Variants in CPQ observed in about 807,000 individuals in gnomAD.
The protein encoded by CPQ is carboxypeptidase Q.
CPQ carries 37 observed loss-of-function variants against 45.7 expected under a neutral mutation model. The ratio of observed to expected loss-of-function variants is 0.81; its 90% CI spans 0.62 to 1.07. The LOEUF (loss-of-function observed/expected upper bound fraction) is 1.07, where lower values mean the gene tolerates loss of function less well. Ranked by LOEUF, CPQ falls within the 50% of genes least tolerant of loss-of-function variation. The pLI is 0.00. For missense variants in CPQ, 537 were observed against 572.9 expected (o/e 0.94, Z 0.64); for synonymous variants, 186 against 205.8 (o/e 0.90, Z 0.82).
intron 4 of CPQ, among the ~76,000 whole-genome samples, chr8:96,965,573 G>C (rs1033048976): frequency 6.6e-6 from 1 of 151,952 alleles, no homozygotes; most frequent in Admixed American, 6.6e-5. Flanking sequence ...GTTTCACCGT[G>C]TTAACCAGGA....
At chr8:96,858,443 G>A (rs4734352) in intron 3 of CPQ, among the ~76,000 whole-genome samples, 58,118 of 151,978 alleles carry the variant, frequency 0.38, 11,771 homozygotes, top group Non-Finnish European at 0.46. Flanking sequence ...GCACAGCAGC[G>A]TCTGATATCC....
intron 5 of CPQ, among the ~76,000 whole-genome samples, chr8:96,967,193 AT>A (rs540806568): frequency 3.3e-3 from 507 of 152,270 alleles, no homozygotes; most frequent in African/African-American, 0.012. Context: ...AAAGTCGAAC[AT>A]TTTTCCTCTT....
intron 4 of CPQ, among the ~76,000 whole-genome samples, chr8:96,948,685 C>T (rs919707572): frequency 4.6e-5 from 7 of 152,110 alleles, no homozygotes; most frequent in Non-Finnish European, 1.0e-4. Context: ...TTCATGTCCT[C>T]TGTTTCCTTA....
At chr8:96,923,623 T>G (rs1209075339) in intron 4 of CPQ, among the ~76,000 whole-genome samples, 1 of 152,170 alleles carries the variant, frequency 6.6e-6, no homozygotes. Flanking sequence ...CCCAATTACA[T>G]GCATGTGAAG....
intron 5 of CPQ, among the ~76,000 whole-genome samples, chr8:97,017,607 G>C (rs1385945969): frequency 6.6e-6 from 1 of 152,056 alleles, no homozygotes; most frequent in Non-Finnish European, 1.5e-5. Context: ...GGGTTGCCTG[G>C]GAGCTGGATG....
intron 5 of CPQ, among the ~76,000 whole-genome samples, chr8:97,008,855 A>G (rs1333922756): frequency 1.3e-5 from 2 of 152,086 alleles, no homozygotes; most frequent in Non-Finnish European, 2.9e-5. Context: ...GACTCCATAA[A>G]TGCCAGCTTT....
intron 7 of CPQ, among the ~76,000 whole-genome samples, chr8:97,112,928 G>A (rs569351983): frequency 6.6e-6 from 1 of 152,378 alleles, no homozygotes; most frequent in East Asian, 1.9e-4. Flanking sequence ...TCTAGGGACA[G>A]AGGGAAGCCA....
Position 97,121,665 on chromosome 8 carries a change from A to G in CPQ, c.1256-21355A>G, listed in dbSNP as rs371401595. Among the ~76,000 whole-genome samples, 108 of 152,262 alleles carry G rather than the reference A, an allele frequency of 7.1e-4. 3 individuals are homozygous for G. In the South Asian group the frequency reaches 0.021, roughly 30 times the overall value. On this transcript the variant is annotated intron_variant, in intron 7 of 7. Transcript: ENST00000220763. The stretch of plus-strand genomic sequence containing the variant: ...AAAGAAGCAAGAAAATATGACCCAC[A>G]ACTAGAACACCCACTGAAGAGAAGC...
At chr8:96,992,908 A>T (rs1161562203) in intron 5 of CPQ, among the ~76,000 whole-genome samples, 2 of 152,294 alleles carry the variant, frequency 1.3e-5, no homozygotes, top group African/African-American at 4.8e-5. Flanking sequence ...AGGGAGTATC[A>T]TGACTTTCAT....
intron 1 of CPQ, among the ~76,000 whole-genome samples, chr8:96,734,906 G>A (rs757140749): frequency 2.0e-5 from 3 of 151,902 alleles, no homozygotes; most frequent in Admixed American, 6.6e-5. Context: ...CGCTCTTCCT[G>A]TGTGAGGATT....
chr8:97,084,875 AG>A (rs528077544), intron 7 of CPQ, among the ~76,000 whole-genome samples: 2 of 151,934 alleles, frequency 1.3e-5, no homozygotes, highest in Non-Finnish European at 2.9e-5. Flanking sequence ...GAACCACACC[AG>A]GAATTGAGCA....
rs532890505 is a variant in CPQ at position 97,079,004 on chromosome 8, A to G, written c.1255+12794A>G. On this transcript the variant is annotated intron_variant, in intron 7 of 7. Coordinates refer to ENST00000220763, the MANE Select transcript of CPQ (RefSeq NM_016134.4). ...TTATTTTTAGAGATGAGGTCTCACT[A>G]TGTTGCTTAGGCTGGTCTTGAATTC... Among the ~76,000 whole-genome samples, 28 of 152,020 alleles carry G rather than the reference A, an allele frequency of 1.8e-4. No homozygotes were observed. In the South Asian group the frequency reaches 5.6e-3, roughly 30 times the overall value.
chr8:96,945,353 G>A (rs1030031459), intron 4 of CPQ, among the ~76,000 whole-genome samples: 1 of 152,144 alleles, frequency 6.6e-6, no homozygotes, highest in African/African-American at 2.4e-5. Flanking sequence ...AATGCAGATA[G>A]TATATTGGTA....
rs149644127 is a variant in CPQ, at chr8:96,923,816, A to C, written c.850-42119A>C. On this transcript the variant is annotated intron_variant, in intron 4 of 7. Transcript: ENST00000220763. ...AGAAGGAGAGGAAAGGGGGAAAAAA[A>C]ACAACAAAATAATAAAGGTGCATTA... is the stretch of plus-strand genomic sequence containing the variant. Among the ~76,000 whole-genome samples the C allele has an allele frequency of 2.1e-3, 318 of 152,332 alleles. 1 individual carries two copies. Among genetic ancestry groups the C allele is most frequent in the Middle Eastern group, 6.8e-3 (2 of 294 alleles).
intron 1 of CPQ, among the ~76,000 whole-genome samples, chr8:96,716,596 T>A (rs59465035): frequency 6.6e-6 from 1 of 151,966 alleles, no homozygotes; most frequent in Non-Finnish European, 1.5e-5. Context: ...TTTTTATTCC[T>A]GAGTTACTTA....
Position 97,029,483 on chromosome 8 carries a change from C to G in CPQ, c.1042C>G (p.Gln348Glu). ...TGGAGTTGGTGCCTTCCAGTATTAT[C>G]AGTTACACAAGGTAAAAACCCAGCT... is the stretch of plus-strand genomic sequence containing the variant. Reference protein sequence around the residue: ...QGGVGAFQYYQLHKVNISNYS... With the variant: ...QGGVGAFQYYELHKVNISNYS... Residue 348 changes from glutamine to glutamate, a missense_variant, in exon 6 of 8, where the codon CAG (glutamine) becomes GAG (glutamate). Coordinates refer to ENST00000220763, the MANE Select transcript of CPQ (RefSeq NM_016134.4). 6.2e-7 allele frequency: 1 copy of G among 1,603,918 alleles called. No individual in the cohort carries two copies.
chr8:96,770,579 T>C (rs1033321182), intron 1 of CPQ, among the ~76,000 whole-genome samples: 1 of 151,752 alleles, frequency 6.6e-6, no homozygotes, highest in African/African-American at 2.4e-5. Flanking sequence ...TCCAATATGG[T>C]AGGAGAGGTG....
chr8:96,720,959 G>C (rs1375516617), intron 1 of CPQ, among the ~76,000 whole-genome samples: 1 of 145,098 alleles, frequency 6.9e-6, no homozygotes, highest in Admixed American at 6.9e-5. Context: ...GTGTTCATGG[G>C]TTTTTTTTTT....
intron 3 of CPQ, among the ~76,000 whole-genome samples, chr8:96,862,076 A>T (rs1031236514): frequency 2.0e-5 from 3 of 152,048 alleles, no homozygotes; most frequent in Admixed American, 1.3e-4. Context: ...GCCATGAAGG[A>T]GGACAGCTTG....
Sources: allele counts gnomAD v4.1 joint callset (sites outside exome capture counted in the v4.1 genomes callset), GRCh38; gene constraint gnomAD v4.1.1; transcripts MANE v1.5; gene names NCBI Gene and HGNC (gene_info 2026-07-23, HGNC 2026-07-21).